Variants in LARGE1 observed in about 807,000 individuals in gnomAD.
LARGE1 encodes the protein LARGE xylosyl- and glucuronyltransferase 1.
In LARGE1, 43 loss-of-function variants were observed where a neutral mutation model predicts 87.6. The ratio of observed to expected loss-of-function variants is 0.49; its 90% CI spans 0.38 to 0.63. LARGE1 has a LOEUF of 0.63. Ranked by LOEUF, LARGE1 falls within the 30% of genes least tolerant of loss-of-function variation. LARGE1 has a pLI of 0.00. For missense variants in LARGE1, 802 were observed against 1,000.2 expected (o/e 0.80, Z 2.67); for synonymous variants, 434 against 394.6 (o/e 1.10, Z -1.18).
chr22:33,596,708 G>T, intron 5 of LARGE1, among the ~76,000 whole-genome samples: 1 of 152,126 alleles, frequency 6.6e-6, no homozygotes, highest in East Asian at 1.9e-4. Flanking sequence ...GCTTAGAAAA[G>T]ATTTAAGAAG....
intron 6 of LARGE1, among the ~76,000 whole-genome samples, chr22:33,462,719 T>C (rs1278018215): frequency 3.9e-5 from 6 of 152,168 alleles, no homozygotes; most frequent in Admixed American, 3.3e-4. Flanking sequence ...AGGCAGAGGC[T>C]TCAGTGAGCC....
intron 6 of LARGE1, among the ~76,000 whole-genome samples, chr22:33,433,928 A>T (rs2147744616): frequency 6.6e-6 from 1 of 152,292 alleles, no homozygotes; most frequent in Admixed American, 6.5e-5. Flanking sequence ...TTAAGCTCCT[A>T]TCTAAATCAT....
At chr22:33,800,324 T>C (rs575569117) in intron 1 of LARGE1, among the ~76,000 whole-genome samples, 167 of 152,346 alleles carry the variant, frequency 1.1e-3, no homozygotes, top group African/African-American at 3.8e-3. Flanking sequence ...ATAATTTATA[T>C]AACTATAATT....
chr22:33,229,567 A>T (rs1424132607), intron 11 of LARGE1, among the ~76,000 whole-genome samples: 2 of 152,202 alleles, frequency 1.3e-5, no homozygotes, highest in Non-Finnish European at 2.9e-5. Flanking sequence ...AAACTGGAAG[A>T]TAAACATAAG....
At chr22:33,881,210 C>T (rs1439356493) in intron 1 of LARGE1, among the ~76,000 whole-genome samples, 4 of 152,070 alleles carry the variant, frequency 2.6e-5, no homozygotes, top group African/African-American at 9.7e-5. Context: ...CCCCCGGGGC[C>T]GAAAAAGAAG....
intron 6 of LARGE1, among the ~76,000 whole-genome samples, chr22:33,495,446 C>G (rs183688659): frequency 6.6e-6 from 1 of 152,162 alleles, no homozygotes; most frequent in Non-Finnish European, 1.5e-5. Flanking sequence ...TTTGGCTGGG[C>G]GTGGTGGCTC....
At chr22:33,736,664 T>C (rs1356566779) in intron 2 of LARGE1, among the ~76,000 whole-genome samples, 1 of 152,220 alleles carries the variant, frequency 6.6e-6, no homozygotes, top group Non-Finnish European at 1.5e-5. Flanking sequence ...TTTTTTTCTT[T>C]TGTTGGTTGT....
At position 33,170,893 on chromosome 22, in the gene LARGE1, G is replaced by A. The variant is rs542107977; in HGVS notation, c.1731-4061C>T. Among the ~76,000 whole-genome samples, 42 of 152,290 alleles carry A rather than the reference G, an allele frequency of 2.8e-4. 2 individuals carry two copies. The South Asian group carries it at 8.7e-3, about 32-fold the overall frequency. ...TAACAGACAGCGGTTGGAACAGTTA[G>A]GAGGGCTCAGAAGAAGACAGGAAGA... On this transcript the variant is annotated intron_variant, in intron 11 of 11. Transcript: ENST00000608642.
At chr22:33,910,393 T>A (rs2065597790) in intron 1 of LARGE1, among the ~76,000 whole-genome samples, 1 of 152,202 alleles carries the variant, frequency 6.6e-6, no homozygotes, top group Non-Finnish European at 1.5e-5. Flanking sequence ...GCACAGCCTT[T>A]GATTTGGTTT....
upstream of LARGE1, among the ~76,000 whole-genome samples, chr22:33,920,827 CCGCCGCGGGCAGCCGGG>C (rs1218902516): frequency 6.9e-6 from 1 of 144,928 alleles, no homozygotes; most frequent in Non-Finnish European, 1.5e-5. Context: ...GCCGCTGCAG[CCGCCGCGGGCAGCCGGG>C]CGCCGCTGGC....
intron 7 of LARGE1, among the ~76,000 whole-genome samples, chr22:33,413,837 T>G (rs1462522177): frequency 6.6e-6 from 1 of 152,096 alleles, no homozygotes; most frequent in East Asian, 1.9e-4. Flanking sequence ...TCATGAAGGG[T>G]GCATGCCATC....
At chr22:33,824,732 T>C (rs549415460) in intron 1 of LARGE1, among the ~76,000 whole-genome samples, 162 of 152,310 alleles carry the variant, frequency 1.1e-3, no homozygotes, top group African/African-American at 3.4e-3. Context: ...GTCCAAACAT[T>C]TTCTAATAAT....
chr22:33,623,162 G>A (rs2079809879), intron 4 of LARGE1, among the ~76,000 whole-genome samples: 1 of 150,144 alleles, frequency 6.7e-6, no homozygotes, highest in Non-Finnish European at 1.5e-5. Context: ...TTTAAACCAG[G>A]GAGAGACCTG....
chr22:33,794,706 C>T (rs964678461), intron 1 of LARGE1, among the ~76,000 whole-genome samples: 1 of 202 alleles, frequency 5.0e-3, no homozygotes, highest in Non-Finnish European at 8.8e-3. Flanking sequence ...CTGCAACCTC[C>T]GCTCCCGGGT....
At chr22:33,656,954 G>A (rs1269897459) in intron 2 of LARGE1, 1 of 152,156 alleles carries the variant, frequency 6.6e-6, no homozygotes, top group Non-Finnish European at 1.5e-5. Flanking sequence ...CAGAGATTAG[G>A]GACTTACCAT....
intron 2 of LARGE1, among the ~76,000 whole-genome samples, chr22:33,706,586 C>T (rs117679382): frequency 2.0e-3 from 309 of 152,318 alleles, no homozygotes; most frequent in Non-Finnish European, 3.9e-3. Context: ...GATGTAATTT[C>T]AGATTCTCCT....
At chr22:33,677,297 A>G (rs558724611) in intron 2 of LARGE1, among the ~76,000 whole-genome samples, 1 of 151,926 alleles carries the variant, frequency 6.6e-6, no homozygotes, top group Non-Finnish European at 1.5e-5. Flanking sequence ...TTAAAAAAAA[A>G]AAAAAAAAAA....
chr22:33,431,536 A>T (rs2280977), intron 7 of LARGE1, among the ~76,000 whole-genome samples: 94,313 of 152,038 alleles, frequency 0.62, 30,084 homozygotes, highest in African/African-American at 0.75. Context: ...TAGCAAATAT[A>T]TCTGCTTTTT....
rs558752796 is a variant in LARGE1 at position 33,830,924 on chromosome 22, G to A, written c.-82-69366C>T. Among the ~76,000 whole-genome samples, 13 of 152,216 alleles carry A rather than the reference G, an allele frequency of 8.5e-5. No homozygotes were observed. In the South Asian group the frequency reaches 2.5e-3, roughly 29 times the overall value. On this transcript the variant is annotated intron_variant, in intron 1 of 14. Transcript: ENST00000397394. ...TAAAAGCATTAATCTCATTCATGAG[G>A]GCTCTGCCTTCATGACCTAAGTGTC... is the stretch of plus-strand genomic sequence containing the variant.
Sources: gnomAD v4.1 joint callset for allele counts (sites outside exome capture counted in the v4.1 genomes callset) on GRCh38, gnomAD v4.1.1 for gene constraint, MANE v1.5 for transcripts, NCBI Gene and HGNC (gene_info 2026-07-23, HGNC 2026-07-21) for gene names.